ABITRAM: variants seen among roughly 807,000 people sequenced by gnomAD.
ABITRAM encodes the protein actin binding transcription modulator, also known as protein Abitram.
ABITRAM carries 19 observed loss-of-function variants against 22.9 expected under a neutral mutation model. That is an observed-to-expected ratio of 0.83 (90% confidence interval 0.58 to 1.22). The LOEUF is 1.22. ABITRAM is among the 50% of genes most tolerant of loss of function. The pLI, the probability that ABITRAM is intolerant of heterozygous loss-of-function variation, is 0.00. For synonymous variants in ABITRAM, 70 were observed against 73.9 expected (o/e 0.95, Z 0.27); for missense variants, 215 against 220.2 (o/e 0.98, Z 0.15).
chr9:108,934,449 G>A lies in ABITRAM; in HGVS notation c.-38G>A. 1.3e-6 allele frequency: 2 copies of A among 1,562,866 alleles called. No homozygotes were observed. The highest frequency in any genetic ancestry group is 2.4e-5 in the East Asian group (1 of 41,492). ...CCGGGCTGCGCGGAGGAAGCGCTGG[G>A]GTCCCGGAGGGCGGGGGTGGCGGCG... On this transcript the variant is annotated 5_prime_UTR_variant, in exon 1 of 6. Coordinates refer to ENST00000322940, the MANE Select transcript of ABITRAM (RefSeq NM_017832.4).
In ABITRAM at chr9:108,940,024, A is replaced by C; in HGVS notation, c.*338A>C. ...ACAGAAGAGTTTTAAGTAGCCAAGT[A>C]AAAATAATTTACCCATCATCCCATA... On this transcript the variant is annotated 3_prime_UTR_variant, in exon 6 of 6. Transcript: ENST00000322940. 4.7e-6 allele frequency: 1 copy of C among 214,832 alleles called. No individual in the cohort carries two copies. The highest frequency in any genetic ancestry group is 9.2e-6 in the Non-Finnish European group (1 of 108,804). The allele number at this position is 214,832 out of a possible 1,614,324, so 13.3% of individuals were successfully genotyped here. A position where few individuals can be genotyped will look rare whatever the true frequency, so the allele number is the denominator to read the frequency against.
rs1209577124 is a variant in ABITRAM at position 108,939,470 on chromosome 9, A to G, written c.408+16A>G. 6.2e-7 allele frequency: 1 copy of G among 1,605,340 alleles called. No homozygotes were observed. Among genetic ancestry groups the G allele is most frequent in the African/African-American group, 1.3e-5 (1 of 74,126 alleles). On this transcript the variant is annotated intron_variant, in intron 5 of 5. Coordinates refer to ENST00000322940, the MANE Select transcript of ABITRAM (RefSeq NM_017832.4). Reference sequence around the variant, plus strand: ...TCAAGAAAAGGTAAAAGAGAGAGAAAAAATATGATCTCATCCACATACCTT... The same window carrying G: ...TCAAGAAAAGGTAAAAGAGAGAGAAGAAATATGATCTCATCCACATACCTT...
rs1342136843 is a variant in ABITRAM at position 108,940,272 on chromosome 9, C to T, written c.*586C>T. On this transcript the variant is annotated 3_prime_UTR_variant, in exon 6 of 6. Coordinates refer to ENST00000322940, the MANE Select transcript of ABITRAM (RefSeq NM_017832.4). Reference sequence around the variant, plus strand: ...GGGTATATGTGGAAGTTCCTGGAACCAATCCCCTATGTAAACCAAGGGATA... The same window carrying T: ...GGGTATATGTGGAAGTTCCTGGAACTAATCCCCTATGTAAACCAAGGGATA... 3.3e-5 allele frequency: 5 copies of T among 152,376 alleles called. No homozygotes were observed. The East Asian group carries it at 9.7e-4, about 29-fold the overall frequency. The allele number at this position is 152,376 out of a possible 1,614,324, so 9.4% of individuals were successfully genotyped here.
At position 108,950,477 on chromosome 9, in the gene ABITRAM, A is replaced by G. The variant is rs887474073; in HGVS notation, c.262-30A>G. On this transcript the variant is annotated intron_variant, in intron 3 of 3. Coordinates refer to the ABITRAM transcript ENST00000374624. The stretch of plus-strand genomic sequence containing the variant: ...CAGCTAAACAGCAGCAAAATTTCTA[A>G]CTCCTATCATTTCTGCCTTCTTTTT... The G allele has an allele frequency of 3.2e-6, 5 of 1,543,944 alleles. No individual in the cohort carries two copies. In the African/African-American group the frequency reaches 6.9e-5, roughly 21 times the overall value.
chr9:108,943,878 A>T (rs1830320030), downstream of ABITRAM: 4 of 1,598,786 alleles, frequency 2.5e-6, no homozygotes, highest in Non-Finnish European at 3.4e-6. Context: ...AATACCTTAA[A>T]CACATTTATA....
At chr9:108,949,972 C>A (rs966008215) in intron 3 of ABITRAM, among the ~76,000 whole-genome samples, 1 of 147,988 alleles carries the variant, frequency 6.8e-6, no homozygotes, top group Non-Finnish European at 1.5e-5. Context: ...TGCAGTGAGC[C>A]GAGATCATGC....
chr9:108,948,145 C>G, intron 3 of ABITRAM: 4 of 1,601,220 alleles, frequency 2.5e-6, no homozygotes, highest in Non-Finnish European at 3.4e-6. Flanking sequence ...CACTTTTAGC[C>G]CGAAATTAAA....
downstream of ABITRAM, among the ~76,000 whole-genome samples, chr9:108,944,626 G>C (rs947151146): frequency 1.3e-5 from 2 of 152,166 alleles, no homozygotes; most frequent in East Asian, 3.8e-4. Flanking sequence ...TAAGACAGAA[G>C]TATTTAGCAT....
intron 3 of ABITRAM, chr9:108,948,035 T>C: frequency 1.2e-6 from 1 of 864,596 alleles, no homozygotes; most frequent in Non-Finnish European, 1.7e-6. Flanking sequence ...GCAAGCCATC[T>C]ACCTTTCTAC....
chr9:108,936,485 A>G (rs2132064970), intron 3 of ABITRAM, 48 bp downstream of exon 3: 1 of 1,589,344 alleles, frequency 6.3e-7, no homozygotes, highest in African/African-American at 1.3e-5. Context: ...CTCTATATTC[A>G]TGGTAATGAC....
chr9:108,934,452 C>G lies in ABITRAM; in HGVS notation c.-35C>G. 1.3e-6 allele frequency: 2 copies of G among 1,566,800 alleles called. No homozygotes were observed. The highest frequency in any genetic ancestry group is 1.7e-6 in the Non-Finnish European group (2 of 1,157,428). On this transcript the variant is annotated 5_prime_UTR_variant, in exon 1 of 6. Coordinates refer to ENST00000322940, the MANE Select transcript of ABITRAM (RefSeq NM_017832.4). ...GGCTGCGCGGAGGAAGCGCTGGGGT[C>G]CCGGAGGGCGGGGGTGGCGGCGCCG...
At chr9:108,942,868 C>T, downstream of ABITRAM, 1 of 1,611,830 alleles carries the variant, frequency 6.2e-7, no homozygotes, top group Non-Finnish European at 8.5e-7. Flanking sequence ...TATCTGGTTT[C>T]ACTCTGAAAA....
At chr9:108,947,871 A>G (rs907435723) in intron 3 of ABITRAM, among the ~76,000 whole-genome samples, 4 of 152,194 alleles carry the variant, frequency 2.6e-5, no homozygotes, top group Non-Finnish European at 5.9e-5. Context: ...AGAACTCTGG[A>G]TTTGCATCTG....
At chr9:108,948,709 C>T (rs1830474492) in intron 3 of ABITRAM, among the ~76,000 whole-genome samples, 1 of 152,102 alleles carries the variant, frequency 6.6e-6, no homozygotes, top group Non-Finnish European at 1.5e-5. Context: ...GTGAATAAAG[C>T]AATCATAATA....
At position 108,939,412 on chromosome 9, in the gene ABITRAM, G is replaced by A. The variant is rs545011416; in HGVS notation, c.366G>A (p.Val122=). Residue 122 remains valine (V), a synonymous_variant, in exon 5 of 6, where the codon GTG becomes GTA. Transcript: ENST00000322940. ...GTGTTAGAGGACGTTTGATGGAAGT[G>A]AATGAAAACATCCTCCATAAGCCAT... is the stretch of plus-strand genomic sequence containing the variant. ...SSCVRGRLME[V]NENILHKPSI... is the part of the protein sequence containing the mutation. The A allele has an allele frequency of 1.2e-6, 2 of 1,611,122 alleles. No individual in the cohort carries two copies. The highest frequency in any genetic ancestry group is 2.7e-5 in the African/African-American group (2 of 74,732).
chr9:108,938,200 C>A (rs1830211427), intron 3 of ABITRAM, among the ~76,000 whole-genome samples: 1 of 152,140 alleles, frequency 6.6e-6, no homozygotes, highest in Admixed American at 6.5e-5. Flanking sequence ...TTAACACAAG[C>A]CTTCCCCTTC....
chr9:108,944,023 T>C (rs1473097655), downstream of ABITRAM: 1 of 1,612,964 alleles, frequency 6.2e-7, no homozygotes. Context: ...AAAAACCTGG[T>C]AGAAAGAGAA....
chr9:108,940,900 T>TATAAC lies in ABITRAM; in HGVS notation c.*1218_*1222dup, dbSNP rs1587935865. 1 of 152,230 alleles carries TATAAC rather than the reference T, an allele frequency of 6.6e-6. No individual in the cohort carries two copies. The highest frequency in any genetic ancestry group is 1.9e-4 in the East Asian group (1 of 5,200). 9.4% of individuals were successfully genotyped at this position (152,230 alleles called of 1,614,324 possible). Reference sequence around the variant, plus strand: ...AAACGTGTTATTTTTCTGTAAGGGCTATAACATACATGTCAATATCACTGT... The same window carrying TATAAC: ...AAACGTGTTATTTTTCTGTAAGGGCTATAACATAACATACATGTCAATATCACTGT... On this transcript the variant is annotated 3_prime_UTR_variant, in exon 6 of 6. Coordinates refer to ENST00000322940, the MANE Select transcript of ABITRAM (RefSeq NM_017832.4).
intron 1 of ABITRAM, among the ~76,000 whole-genome samples, 190 bp downstream of exon 1, chr9:108,934,755 C>T (rs1472212038): frequency 1.3e-5 from 2 of 152,152 alleles, no homozygotes; most frequent in African/African-American, 4.8e-5. Context: ...TGAAATACTT[C>T]AGGGCGCATT....
Sources: allele counts gnomAD v4.1 joint callset (sites outside exome capture counted in the v4.1 genomes callset), GRCh38; gene constraint gnomAD v4.1.1; transcripts MANE v1.5; gene names NCBI Gene and HGNC (gene_info 2026-07-23, HGNC 2026-07-21).